The following MCC variants were observed in gnomAD, a reference collection of about 807,000 sequenced individuals.
MCC encodes the protein colorectal mutant cancer protein.
A neutral mutation model predicts 116.2 loss-of-function variants in MCC; 90 were observed. The ratio of observed to expected loss-of-function variants is 0.77; its 90% CI spans 0.65 to 0.92. MCC has a LOEUF of 0.92. Ranked by LOEUF, MCC falls within the 40% of genes least tolerant of loss-of-function variation. The probability of loss-of-function intolerance (pLI) is 0.00; values close to 1 mark genes in which losing one functional copy is unlikely to be tolerated. For synonymous variants in MCC, 578 were observed against 510.5 expected (o/e 1.13, Z -1.78); for missense variants, 1,516 against 1,312.2 (o/e 1.16, Z -2.40).
At chr5:113,051,517 G>C (rs1400912438) in intron 15 of MCC, among the ~76,000 whole-genome samples, 1 of 152,184 alleles carries the variant, frequency 6.6e-6, no homozygotes, top group Admixed American at 6.5e-5. Flanking sequence ...CCAGGAGTTT[G>C]AGACTGGCCT....
intron 2 of MCC, among the ~76,000 whole-genome samples, chr5:113,367,518 G>A (rs930914696): frequency 6.6e-6 from 1 of 150,806 alleles, no homozygotes; most frequent in Admixed American, 6.6e-5. Flanking sequence ...TTCTGTTACT[G>A]ACTAGAGGTT....
intron 6 of MCC, among the ~76,000 whole-genome samples, chr5:113,107,971 A>T (rs377692364): frequency 6.6e-6 from 1 of 152,070 alleles, no homozygotes; most frequent in Non-Finnish European, 1.5e-5. Context: ...TGAATAAGAG[A>T]CTGACCTTAA....
intron 17 of MCC, among the ~76,000 whole-genome samples, chr5:113,041,922 G>A (rs556441350): frequency 2.0e-5 from 3 of 152,206 alleles, no homozygotes; most frequent in African/African-American, 7.2e-5. Context: ...GTTTGAACCT[G>A]GGAGACCGAG....
intron 3 of MCC, among the ~76,000 whole-genome samples, chr5:113,289,856 G>C (rs542089432): frequency 1.2e-4 from 18 of 152,256 alleles, no homozygotes; most frequent in African/African-American, 4.1e-4. Context: ...TCTGCACCAG[G>C]TCTTGACCCT....
At chr5:113,061,563 C>G (rs1753219421) in intron 14 of MCC, among the ~76,000 whole-genome samples, 1 of 152,222 alleles carries the variant, frequency 6.6e-6, no homozygotes. Context: ...GGCACCGACC[C>G]TGGGCACCTG....
At chr5:113,184,414 C>G (rs568229134) in intron 3 of MCC, among the ~76,000 whole-genome samples, 10 of 150,896 alleles carry the variant, frequency 6.6e-5, no homozygotes, top group Non-Finnish European at 1.5e-4. Flanking sequence ...TAAAACTTTA[C>G]TTTGCTGATC....
intron 17 of MCC, among the ~76,000 whole-genome samples, chr5:113,035,203 C>G (rs1417759126): frequency 6.6e-6 from 1 of 152,240 alleles, no homozygotes; most frequent in African/African-American, 2.4e-5. Flanking sequence ...GCTCAGATCT[C>G]TCTGCCTTCT....
chr5:113,380,384 T>C (rs1050752387), intron 2 of MCC, among the ~76,000 whole-genome samples: 3 of 152,358 alleles, frequency 2.0e-5, no homozygotes, highest in African/African-American at 7.2e-5. Flanking sequence ...TTAAAGCTTA[T>C]TGTCACTTAA....
intron 1 of MCC, among the ~76,000 whole-genome samples, chr5:113,461,710 A>G (rs1401080933): frequency 6.7e-6 from 1 of 149,272 alleles, no homozygotes; most frequent in African/African-American, 2.5e-5. Context: ...AGAAATAATT[A>G]GAATGGATTT....
chr5:113,291,512 TTA>T (rs1404222654), intron 3 of MCC, among the ~76,000 whole-genome samples: 1 of 152,216 alleles, frequency 6.6e-6, no homozygotes. Flanking sequence ...GCCATTTTGT[TTA>T]TGATACCCAG....
chr5:113,312,909 G>A (rs1309946932), intron 3 of MCC, among the ~76,000 whole-genome samples: 1 of 152,226 alleles, frequency 6.6e-6, no homozygotes, highest in African/African-American at 2.4e-5. Context: ...GAATGAGCCT[G>A]TGTCAAGCAA....
intron 3 of MCC, among the ~76,000 whole-genome samples, chr5:113,239,316 T>C (rs1397268021): frequency 6.6e-6 from 1 of 152,190 alleles, no homozygotes; most frequent in Non-Finnish European, 1.5e-5. Flanking sequence ...TCCAGTATAC[T>C]GTGGGTCTCT....
At chr5:113,155,151 A>G (rs7714691) in intron 3 of MCC, among the ~76,000 whole-genome samples, 2,455 of 152,100 alleles carry the variant, frequency 0.016, 61 homozygotes, top group African/African-American at 0.056. Context: ...CTTTATGTGC[A>G]TGGCTTACTT....
chr5:113,433,089 T>G (rs966855571), intron 1 of MCC: 1 of 153,384 alleles, frequency 6.5e-6, no homozygotes, highest in Non-Finnish European at 1.5e-5. Context: ...GGCACAAGAT[T>G]TCTAGCACTT....
chr5:113,281,717 T>C (rs560569849), intron 3 of MCC, among the ~76,000 whole-genome samples: 14 of 152,328 alleles, frequency 9.2e-5, no homozygotes, highest in African/African-American at 3.1e-4. Flanking sequence ...CAATGAGCTT[T>C]TGGCATTAAG....
In MCC at chr5:113,026,016, G is replaced by T. The variant is rs114240668; in HGVS notation, c.*1286C>A. Reference sequence around the variant, plus strand: ...AAAAACAGTAAATGGTCCTTCAAGTGTATCAGTGTAGAACTGAGAGAGAAG... The same window carrying T: ...AAAAACAGTAAATGGTCCTTCAAGTTTATCAGTGTAGAACTGAGAGAGAAG... On this transcript the variant is annotated 3_prime_UTR_variant, in exon 19 of 19. Coordinates refer to ENST00000408903, the MANE Select transcript of MCC (RefSeq NM_001085377.2). The T allele has an allele frequency of 6.6e-6, 1 of 152,232 alleles. No homozygotes were observed. Among genetic ancestry groups the T allele is most frequent in the Non-Finnish European group, 1.5e-5 (1 of 68,054 alleles). 9.4% of individuals were successfully genotyped at this position (152,232 alleles called of 1,614,324 possible). A position where few individuals can be genotyped will look rare whatever the true frequency, so the allele number is the denominator to read the frequency against.
At chr5:113,048,834 A>C in intron 16 of MCC, 2 of 566,390 alleles carry the variant, frequency 3.5e-6, no homozygotes, top group Non-Finnish European at 6.3e-6. Context: ...GGACAACTGC[A>C]GAGATCACCC....
At chr5:113,138,672 CT>C (rs1425562998) in intron 5 of MCC, among the ~76,000 whole-genome samples, 1 of 152,180 alleles carries the variant, frequency 6.6e-6, no homozygotes, top group Non-Finnish European at 1.5e-5. Context: ...ACTGATATGC[CT>C]TCCTAAGTCC....
At chr5:113,421,739 T>G (rs987447694) in intron 1 of MCC, among the ~76,000 whole-genome samples, 1 of 152,208 alleles carries the variant, frequency 6.6e-6, no homozygotes, top group African/African-American at 2.4e-5. Flanking sequence ...ACGGAGCTAA[T>G]GTATATCCTT....
Sources: gnomAD v4.1 joint callset for allele counts (sites outside exome capture counted in the v4.1 genomes callset) on GRCh38, gnomAD v4.1.1 for gene constraint, MANE v1.5 for transcripts, NCBI Gene and HGNC (gene_info 2026-07-23, HGNC 2026-07-21) for gene names.